LIFR: variants seen among roughly 807,000 people sequenced by gnomAD.
LIFR encodes the protein LIF receptor subunit alpha.
LIFR carries 84 observed loss-of-function variants against 122.2 expected under a neutral mutation model. The observed-to-expected ratio is 0.69, with a 90% CI of 0.58 to 0.82. The LOEUF (loss-of-function observed/expected upper bound fraction) is 0.82. Among genes scored for constraint, LIFR ranks in the 40% least tolerant of loss-of-function variants. The pLI is 0.00. For synonymous variants in LIFR, 422 were observed against 434.7 expected, an observed-to-expected ratio of 0.97 and a Z score of 0.36; for missense variants, 1,294 against 1,311.6, an observed-to-expected ratio of 0.99 and a Z score of 0.21.
chr5:38,566,009 T>G (rs906149374), intron 1 of LIFR, among the ~76,000 whole-genome samples: 10 of 152,210 alleles, frequency 6.6e-5, no homozygotes, highest in Non-Finnish European at 1.3e-4. Context: ...TGATGAAGCT[T>G]ACGTATTAAG....
intron 1 of LIFR, among the ~76,000 whole-genome samples, chr5:38,561,757 G>A (rs1748846182): frequency 6.6e-6 from 1 of 152,136 alleles, no homozygotes; most frequent in Non-Finnish European, 1.5e-5. Flanking sequence ...AATTGTCCTT[G>A]CAAAGTAAAG....
At chr5:38,511,680 C>T (rs1447459389) in intron 6 of LIFR, 110 bp downstream of exon 6, 1 of 1,058,216 alleles carries the variant, frequency 9.4e-7, no homozygotes, top group East Asian at 2.4e-5. Flanking sequence ...CCAGGTAATC[C>T]TCATGCAGCT....
intron 2 of LIFR, among the ~76,000 whole-genome samples, chr5:38,601,575 G>A (rs1357112759): frequency 6.7e-6 from 1 of 149,326 alleles, no homozygotes; most frequent in Non-Finnish European, 1.5e-5. Flanking sequence ...GTCACGAACA[G>A]TACATCTGTA....
rs912290831 is a variant in LIFR at position 38,477,003 on chromosome 5, T to G, written c.*4592A>C. On this transcript the variant is annotated 3_prime_UTR_variant, in exon 20 of 20. Coordinates refer to ENST00000453190, the MANE Select transcript of LIFR (RefSeq NM_001127671.2). Reference sequence around the variant, plus strand: ...TAATTACAAGGATCTGGATATATTCTAGACCAAATCACACTCCCTGAAACA... The same window carrying G: ...TAATTACAAGGATCTGGATATATTCGAGACCAAATCACACTCCCTGAAACA... The G allele has an allele frequency of 8.9e-6, 2 of 223,948 alleles. No individual in the cohort carries two copies. The highest frequency in any genetic ancestry group is 1.8e-5 in the Non-Finnish European group (2 of 112,314). 13.9% of individuals were successfully genotyped at this position (223,948 alleles called of 1,614,324 possible).
At chr5:38,575,558 T>C (rs771644099) in intron 1 of LIFR, among the ~76,000 whole-genome samples, 18 of 152,198 alleles carry the variant, frequency 1.2e-4, no homozygotes, top group Non-Finnish European at 2.6e-4. Flanking sequence ...TCTGAATTGT[T>C]TAAAGTCTAA....
chr5:38,505,307 C>G (rs141142433), intron 9 of LIFR, among the ~76,000 whole-genome samples: 16 of 151,974 alleles, frequency 1.1e-4, no homozygotes, highest in Admixed American at 9.8e-4. Context: ...GCTGGAAGGG[C>G]AACATGAGCA....
chr5:38,567,894 C>T (rs1580204601), intron 1 of LIFR, among the ~76,000 whole-genome samples: 1 of 152,150 alleles, frequency 6.6e-6, no homozygotes, highest in Non-Finnish European at 1.5e-5. Flanking sequence ...TAGGAACTGC[C>T]ATTCTAGCTC....
chr5:38,553,674 T>TATATATATATA (rs1748363894), intron 1 of LIFR, among the ~76,000 whole-genome samples: 3 of 93,818 alleles, frequency 3.2e-5, no homozygotes, highest in Admixed American at 2.3e-4. Context: ...ATATATATAT[T>TATATATATATA]ATATGTATGT....
chr5:38,485,790 AAGCACCTCAAC>A lies in LIFR; in HGVS notation c.2497+18_2497+28del. ...TAGAACACTACGCATGCAGGATGGA[AAGCACCTCAAC>A]AGCAACCTGAAACTTACAATTTTCC... On this transcript the variant is annotated intron_variant, in intron 17 of 19. Coordinates refer to ENST00000453190, the MANE Select transcript of LIFR (RefSeq NM_001127671.2). 6.2e-7 allele frequency: 1 copy of A among 1,613,352 alleles called. No homozygotes were observed. The highest frequency in any genetic ancestry group is 8.5e-7 in the Non-Finnish European group (1 of 1,179,360).
chr5:38,587,396 A>G (rs1030264798), intron 1 of LIFR, among the ~76,000 whole-genome samples: 1 of 152,020 alleles, frequency 6.6e-6, no homozygotes, highest in African/African-American at 2.4e-5. Context: ...GGAGGTGAAA[A>G]TCACTCCAGG....
intron 14 of LIFR, among the ~76,000 whole-genome samples, chr5:38,492,041 G>A (rs1381336191): frequency 6.6e-6 from 1 of 152,196 alleles, no homozygotes; most frequent in Non-Finnish European, 1.5e-5. Context: ...AATGAGTAGA[G>A]AACAGGATGA....
intron 5 of LIFR, among the ~76,000 whole-genome samples, chr5:38,523,172 A>G (rs1746493364): frequency 6.6e-6 from 1 of 152,190 alleles, no homozygotes; most frequent in Non-Finnish European, 1.5e-5. Flanking sequence ...AGTACTTACT[A>G]TTTTCAAGTG....
upstream of LIFR, chr5:38,556,803 G>A (rs1319482364): frequency 6.7e-6 from 1 of 148,948 alleles, no homozygotes; most frequent in Non-Finnish European, 1.5e-5. Context: ...GGTGCTCCAA[G>A]GAGTCGGAGG....
chr5:38,537,780 A>G (rs1378699306), intron 1 of LIFR, among the ~76,000 whole-genome samples: 1 of 152,044 alleles, frequency 6.6e-6, no homozygotes, highest in Non-Finnish European at 1.5e-5. Flanking sequence ...TAAGCTGTTT[A>G]TTCTCTTTTG....
At chr5:38,491,164 T>C (rs548731678) in intron 14 of LIFR, among the ~76,000 whole-genome samples, 2 of 152,196 alleles carry the variant, frequency 1.3e-5, no homozygotes, top group Admixed American at 6.5e-5. Context: ...CCACAAGATA[T>C]AGAAATACTT....
chr5:38,516,401 A>C (rs977393202), intron 5 of LIFR, among the ~76,000 whole-genome samples: 3 of 152,232 alleles, frequency 2.0e-5, no homozygotes, highest in Non-Finnish European at 2.9e-5. Flanking sequence ...AAAAGCGGGC[A>C]AACGATATGC....
In LIFR at chr5:38,482,026, CAAT is replaced by C. The variant is rs1362007182; in HGVS notation, c.2860_2862del (p.Ile954del). 2 of 1,613,972 alleles carry C rather than the reference CAAT, an allele frequency of 1.2e-6. No individual in the cohort carries two copies. The highest frequency in any genetic ancestry group is 1.7e-5 in the Admixed American group (1 of 60,010). On this transcript the variant is annotated inframe_deletion, in exon 20 of 20. Transcript: ENST00000453190. ...GCGGCTGGGTTTGGTATTTCTTCCT[CAAT>C]GATGGGTGGACAATAGGACACAACC...
rs1285192142 is a variant in LIFR, at chr5:38,478,044, T to G, written c.*3551A>C. The G allele has an allele frequency of 4.8e-5, 10 of 209,590 alleles. No homozygotes were observed. The highest frequency in any genetic ancestry group is 4.7e-4 in the Admixed American group (8 of 16,930). The allele number at this position is 209,590 out of a possible 1,614,324, so 13.0% of individuals were successfully genotyped here. A position where few individuals can be genotyped will look rare whatever the true frequency, so the allele number is the denominator to read the frequency against. On this transcript the variant is annotated 3_prime_UTR_variant, in exon 20 of 20. Transcript: ENST00000453190. The stretch of plus-strand genomic sequence containing the variant: ...TGACACGTTAAGGAGTATTTTACTT[T>G]CAAAATACCATAAAATTGATTTTAA...
chr5:38,586,322 A>C (rs1051327161), intron 1 of LIFR, among the ~76,000 whole-genome samples: 1 of 152,226 alleles, frequency 6.6e-6, no homozygotes, highest in African/African-American at 2.4e-5. Context: ...AGCAAAGTTT[A>C]TAACTTAAGA....
Sources: gnomAD v4.1 joint callset for allele counts (sites outside exome capture counted in the v4.1 genomes callset) on GRCh38, gnomAD v4.1.1 for gene constraint, MANE v1.5 for transcripts, NCBI Gene and HGNC (gene_info 2026-07-23, HGNC 2026-07-21) for gene names.